The following BLTP1 variants were observed in gnomAD, a reference collection of about 807,000 sequenced individuals.
BLTP1 encodes fragile site-associated protein.
the BLTP1 span, chr4:122,328,076 G>T: frequency 6.7e-7 from 1 of 1,482,452 alleles, no homozygotes; most frequent in South Asian, 1.4e-5. Flanking sequence ...ATATGAATCT[G>T]ATTCATGTTT....
the BLTP1 span, among the ~76,000 whole-genome samples, chr4:122,179,440 C>A: frequency 6.6e-6 from 1 of 152,156 alleles, no homozygotes; most frequent in South Asian, 2.1e-4. Flanking sequence ...AAACAGTAAA[C>A]CAGATCTCCA....
the BLTP1 span, chr4:122,199,279 G>A: frequency 1.3e-6 from 2 of 1,550,908 alleles, no homozygotes; most frequent in Non-Finnish European, 1.7e-6. Flanking sequence ...TTGAGTGGTG[G>A]TAGGAGTTGG....
chr4:122,236,180 T>C, the BLTP1 span, among the ~76,000 whole-genome samples: 1 of 152,234 alleles, frequency 6.6e-6, no homozygotes, highest in Admixed American at 6.5e-5. Context: ...CTTTCCCATG[T>C]ATAGGAGCTC....
chr4:122,289,836 A>G, the BLTP1 span: 2 of 964,564 alleles, frequency 2.1e-6, no homozygotes, highest in Non-Finnish European at 2.5e-6. Flanking sequence ...AAATTTATGA[A>G]GTATCTAGGT....
the BLTP1 span, chr4:122,178,196 T>C: frequency 3.6e-5 from 30 of 842,900 alleles, no homozygotes; most frequent in African/African-American, 5.5e-4. Context: ...CCAGTAGAAA[T>C]TAATTCTTAT....
the BLTP1 span, among the ~76,000 whole-genome samples, chr4:122,351,455 C>G: frequency 6.6e-6 from 1 of 152,126 alleles, no homozygotes; most frequent in Non-Finnish European, 1.5e-5. Flanking sequence ...CTTTAGCTTT[C>G]AAAACACATT....
chr4:122,262,760 G>A, the BLTP1 span: 1 of 1,573,700 alleles, frequency 6.4e-7, no homozygotes, highest in African/African-American at 1.4e-5. Flanking sequence ...TACACTTTCT[G>A]TAGGGCATTC....
At chr4:122,283,481 T>C in the BLTP1 span, among the ~76,000 whole-genome samples, 1 of 152,204 alleles carries the variant, frequency 6.6e-6, no homozygotes, top group South Asian at 2.1e-4. Flanking sequence ...TTGTCCTGGC[T>C]GTTTTTGATC....
the BLTP1 span, among the ~76,000 whole-genome samples, chr4:122,340,058 A>G: frequency 6.6e-6 from 1 of 152,146 alleles, no homozygotes; most frequent in African/African-American, 2.4e-5. Context: ...TGAAAAAAAG[A>G]GACTAGACTG....
the BLTP1 span, chr4:122,222,023 A>C: frequency 2.2e-6 from 1 of 450,920 alleles, no homozygotes; most frequent in African/African-American, 2.1e-5. Context: ...ATAAAGTATG[A>C]CTTATTTGGG....
the BLTP1 span, among the ~76,000 whole-genome samples, chr4:122,302,430 A>T: frequency 1.3e-5 from 2 of 152,158 alleles, no homozygotes; most frequent in Non-Finnish European, 2.9e-5. Flanking sequence ...TTCTCACAAT[A>T]TTTCAAACTT....
the BLTP1 span, chr4:122,353,252 T>C: frequency 1.3e-6 from 2 of 1,520,848 alleles, no homozygotes; most frequent in African/African-American, 1.4e-5. The surrounding 1 kb of genome is among the most constrained non-coding windows in gnomAD (Gnocchi z 4.3). Flanking sequence ...TTTGTTATCA[T>C]GTATCTGACA....
chr4:122,238,419 A>C, the BLTP1 span: 1 of 1,348,526 alleles, frequency 7.4e-7, no homozygotes, highest in Non-Finnish European at 1.0e-6. Flanking sequence ...TTCTGGCAAG[A>C]AAAACTTCTT....
chr4:122,259,721 G>A, the BLTP1 span, among the ~76,000 whole-genome samples: 1 of 152,016 alleles, frequency 6.6e-6, no homozygotes, highest in Admixed American at 6.6e-5. Flanking sequence ...TTAGCCGGGT[G>A]TGGTGGCAGG....
At chr4:122,213,058 G>A in the BLTP1 span, among the ~76,000 whole-genome samples, 1 of 152,214 alleles carries the variant, frequency 6.6e-6, no homozygotes, top group East Asian at 1.9e-4. Context: ...TAAGAGACAG[G>A]GTCTTGCTTT....
the BLTP1 span, among the ~76,000 whole-genome samples, chr4:122,159,420 C>T: frequency 6.6e-6 from 1 of 151,674 alleles, no homozygotes; most frequent in Non-Finnish European, 1.5e-5. Context: ...CCAGATCGTG[C>T]CACTGCACTC....
At chr4:122,212,134 GCT>G in the BLTP1 span, 2 of 889,358 alleles carry the variant, frequency 2.2e-6, no homozygotes, top group Non-Finnish European at 2.7e-6. Context: ...GTTAGTAAAG[GCT>G]CTCTGCAGGA....
At chr4:122,321,474 A>T in the BLTP1 span, among the ~76,000 whole-genome samples, 4 of 133,492 alleles carry the variant, frequency 3.0e-5, no homozygotes, top group South Asian at 9.0e-4. Context: ...GTGCACATAT[A>T]CATGCGATTT....
At chr4:122,240,957 G>C in the BLTP1 span, among the ~76,000 whole-genome samples, 1 of 152,152 alleles carries the variant, frequency 6.6e-6, no homozygotes, top group Admixed American at 6.5e-5. Flanking sequence ...ACAGTATTGT[G>C]AACAAGGCAC....
Sources: allele counts gnomAD v4.1 joint callset (sites outside exome capture counted in the v4.1 genomes callset), GRCh38; gene constraint gnomAD v4.1.1; non-coding constraint Gnocchi (gnomAD v3.1); transcripts MANE v1.5; gene names NCBI Gene and HGNC (gene_info 2026-07-23, HGNC 2026-07-21).